SGCZ: variants seen among roughly 807,000 people sequenced by gnomAD.
SGCZ encodes zeta-sarcoglycan.
Under a neutral mutation model 41.3 loss-of-function variants are expected in SGCZ, and 40 were observed. The observed-to-expected ratio is 0.97, with a 90% CI of 0.75 to 1.26. The LOEUF (loss-of-function observed/expected upper bound fraction) is 1.26, where lower values mean the gene tolerates loss of function less well. Ranked by LOEUF, SGCZ falls within the 50% of genes most tolerant of loss-of-function variation. The probability of loss-of-function intolerance (pLI) is 0.00; values close to 1 mark genes in which losing one functional copy is unlikely to be tolerated. For synonymous variants in SGCZ, 206 were observed against 137.5 expected (o/e 1.50, Z -3.49); for missense variants, 552 against 369.8 (o/e 1.49, Z -4.04).
intron 4 of SGCZ, among the ~76,000 whole-genome samples, chr8:14,183,582 G>C (rs1481031334): frequency 6.6e-6 from 1 of 152,134 alleles, no homozygotes; most frequent in Non-Finnish European, 1.5e-5. Flanking sequence ...TACCTTGAGA[G>C]TTTGAAAGAG....
intron 1 of SGCZ, among the ~76,000 whole-genome samples, chr8:14,616,156 G>A (rs1016979839): frequency 6.6e-6 from 1 of 151,882 alleles, no homozygotes; most frequent in Non-Finnish European, 1.5e-5. Flanking sequence ...GGGAGCGGGC[G>A]CCTCTAGTCC....
chr8:15,172,494 A>G (rs1311892405), intron 1 of SGCZ, among the ~76,000 whole-genome samples: 2 of 152,164 alleles, frequency 1.3e-5, no homozygotes, highest in Non-Finnish European at 2.9e-5. Flanking sequence ...GAAAACACCC[A>G]CTAGAGAGTA....
At chr8:15,078,011 G>GC (rs11453128) in intron 1 of SGCZ, among the ~76,000 whole-genome samples, 152,041 of 152,052 alleles carry the variant, frequency 1, 76,015 homozygotes, top group Middle Eastern at 1. Context: ...TGGACTGGAG[G>GC]CCCCATGCAC....
At chr8:14,862,535 G>GATATATATATAT (rs59769861) in intron 1 of SGCZ, among the ~76,000 whole-genome samples, 1 of 61,576 alleles carries the variant, frequency 1.6e-5, no homozygotes, top group South Asian at 8.0e-4. Context: ...GCATCTTTAA[G>GATATATATATAT]ATATATATAT....
intron 1 of SGCZ, among the ~76,000 whole-genome samples, chr8:14,649,760 A>G (rs1394551292): frequency 6.6e-6 from 1 of 152,076 alleles, no homozygotes; most frequent in East Asian, 1.9e-4. Flanking sequence ...GAGGCTGGCT[A>G]GTGCTTCTTT....
intron 3 of SGCZ, among the ~76,000 whole-genome samples, chr8:14,239,248 A>AACAC (rs36209114): frequency 1.4e-4 from 21 of 149,262 alleles, no homozygotes; most frequent in African/African-American, 5.2e-4. Context: ...TTCATACATG[A>AACAC]ACACACACAC....
At chr8:14,470,402 A>G (rs1801181494) in intron 2 of SGCZ, among the ~76,000 whole-genome samples, 1 of 152,146 alleles carries the variant, frequency 6.6e-6, no homozygotes, top group African/African-American at 2.4e-5. Context: ...ATTCATCTCT[A>G]TGAGGTAGAT....
chr8:15,059,331 AAGG>A (rs2131007713), intron 1 of SGCZ, among the ~76,000 whole-genome samples: 1 of 152,280 alleles, frequency 6.6e-6, no homozygotes, highest in African/African-American at 2.4e-5. Context: ...CTTACCTCCT[AAGG>A]AGCACATGAA....
intron 3 of SGCZ, among the ~76,000 whole-genome samples, chr8:14,247,800 G>C (rs1254126817): frequency 1.3e-5 from 2 of 152,172 alleles, no homozygotes; most frequent in African/African-American, 4.8e-5. Flanking sequence ...TGTCTGTCCA[G>C]TCAGTATGTT....
intron 1 of SGCZ, among the ~76,000 whole-genome samples, chr8:15,151,876 T>G (rs1799189144): frequency 6.6e-6 from 1 of 152,302 alleles, no homozygotes; most frequent in South Asian, 2.1e-4. Context: ...CAGAGAACTC[T>G]TGATTCTAAT....
At chr8:14,144,559 G>A (rs6998068) in intron 5 of SGCZ, among the ~76,000 whole-genome samples, 2 of 152,136 alleles carry the variant, frequency 1.3e-5, no homozygotes, top group African/African-American at 4.8e-5. Flanking sequence ...CAGCTGTGTT[G>A]GCTACATGGC....
intron 1 of SGCZ, among the ~76,000 whole-genome samples, chr8:14,683,567 G>T (rs971647804): frequency 2.6e-5 from 4 of 151,988 alleles, no homozygotes; most frequent in Non-Finnish European, 5.9e-5. Flanking sequence ...TTAATCATTA[G>T]AAAACAGTTT....
At chr8:14,994,992 G>A (rs1802163383) in intron 1 of SGCZ, among the ~76,000 whole-genome samples, 1 of 152,154 alleles carries the variant, frequency 6.6e-6, no homozygotes, top group Non-Finnish European at 1.5e-5. Flanking sequence ...TTCTTCTGTT[G>A]GAGAAAATGC....
intron 1 of SGCZ, among the ~76,000 whole-genome samples, chr8:14,917,901 C>G (rs1038957806): frequency 2.0e-5 from 3 of 152,086 alleles, no homozygotes; most frequent in Non-Finnish European, 4.4e-5. Context: ...ACCTTTCAGA[C>G]TGTTTTCAGT....
chr8:14,185,037 C>A (rs1320693818), intron 4 of SGCZ, among the ~76,000 whole-genome samples: 1 of 152,070 alleles, frequency 6.6e-6, no homozygotes, highest in Non-Finnish European at 1.5e-5. Flanking sequence ...TCTTTTCAAC[C>A]TTTATAATAC....
At chr8:15,067,896 TAGAC>T (rs1328020891) in intron 1 of SGCZ, among the ~76,000 whole-genome samples, 1 of 152,224 alleles carries the variant, frequency 6.6e-6, no homozygotes, top group East Asian at 1.9e-4. Context: ...AGGAACACAT[TAGAC>T]AGGTAATGGG....
chr8:15,141,377 G>C (rs1336638752), intron 1 of SGCZ, among the ~76,000 whole-genome samples: 1 of 152,200 alleles, frequency 6.6e-6, no homozygotes, highest in Non-Finnish European at 1.5e-5. Flanking sequence ...TAAATTCTTA[G>C]GGCGTCAGCC....
At chr8:14,135,711 T>A (rs1803175822) in intron 5 of SGCZ, among the ~76,000 whole-genome samples, 1 of 152,180 alleles carries the variant, frequency 6.6e-6, no homozygotes, top group Admixed American at 6.5e-5. Context: ...ACTGGAGAAT[T>A]CTACCAAACA....
chr8:14,389,971 G>C (rs1450221953), intron 2 of SGCZ, among the ~76,000 whole-genome samples: 2 of 151,876 alleles, frequency 1.3e-5, no homozygotes, highest in African/African-American at 4.8e-5. Context: ...AAACGAAGAC[G>C]GGGGATTTTT....
Sources: gnomAD v4.1 joint callset for allele counts (sites outside exome capture counted in the v4.1 genomes callset) on GRCh38, gnomAD v4.1.1 for gene constraint, MANE v1.5 for transcripts, NCBI Gene and HGNC (gene_info 2026-07-23, HGNC 2026-07-21) for gene names.